The following LRRC42 variants were observed in gnomAD, a reference collection of about 807,000 sequenced individuals.
The protein encoded by LRRC42 is leucine rich repeat containing 42, also known as leucine-rich repeat-containing protein 42.
In LRRC42, 43 loss-of-function variants were observed where a neutral mutation model predicts 44.3. The observed-to-expected ratio is 0.97, with a 90% CI of 0.76 to 1.25. LRRC42 has a LOEUF of 1.25. Ranked by LOEUF, LRRC42 falls within the 50% of genes most tolerant of loss-of-function variation. The pLI, the probability that LRRC42 is intolerant of heterozygous loss-of-function variation, is 0.00. For missense variants in LRRC42, 540 were observed against 509.1 expected, an observed-to-expected ratio of 1.06 and a Z score of -0.58; for synonymous variants, 207 against 195.2, an observed-to-expected ratio of 1.06 and a Z score of -0.50.
chr1:53,961,949 C>A, intron 5 of LRRC42, 85 bp from the exon 6 acceptor site: 1 of 957,470 alleles, frequency 1.0e-6, no homozygotes, highest in Non-Finnish European at 1.6e-6. Context: ...TATCATTGCC[C>A]GGACGTTTTT....
At chr1:53,953,167 C>T (rs1389458940) in intron 3 of LRRC42, among the ~76,000 whole-genome samples, 1 of 152,196 alleles carries the variant, frequency 6.6e-6, no homozygotes, top group Non-Finnish European at 1.5e-5. Context: ...CCTATCTCAT[C>T]TCCAGTTTCC....
In LRRC42 at chr1:53,964,752, A is replaced by C. The variant is rs568588354; in HGVS notation, c.928-1544A>C. On this transcript the variant is annotated intron_variant, in intron 7 of 8. Transcript: ENST00000371370. The stretch of plus-strand genomic sequence containing the variant: ...CTTAAAACAGCCCTATGGAATGTGT[A>C]CTATCATTGATCCTTACAGATGAAG... Among the ~76,000 whole-genome samples, 6 of 152,356 alleles carry C rather than the reference A, an allele frequency of 3.9e-5. No homozygotes were observed. The South Asian group carries it at 1.2e-3, about 32-fold the overall frequency.
chr1:53,947,190 G>C (rs1171944178), intron 1 of LRRC42, among the ~76,000 whole-genome samples: 2 of 151,934 alleles, frequency 1.3e-5, no homozygotes, highest in Admixed American at 6.6e-5. Context: ...CTGTGGGACA[G>C]CAAGCCACCT....
At chr1:53,958,744 G>A (rs190234385) in intron 4 of LRRC42, among the ~76,000 whole-genome samples, 171 of 151,958 alleles carry the variant, frequency 1.1e-3, no homozygotes, top group African/African-American at 3.8e-3. Flanking sequence ...GCACCACCAC[G>A]CCCAGCTAAT....
chr1:53,965,785 A>G lies in LRRC42; in HGVS notation c.928-511A>G, dbSNP rs929702093. On this transcript the variant is annotated intron_variant, in intron 7 of 8. Coordinates refer to ENST00000371370, the MANE Select transcript of LRRC42 (RefSeq NM_001256409.2). ...CCACCGCGCCCGGCCACATATTTCT[A>G]AAAGAATTGGTAGCAGCTTATAATA... Among the ~76,000 whole-genome samples the G allele has an allele frequency of 2.6e-5, 4 of 152,152 alleles. No homozygotes were observed. The East Asian group carries it at 5.8e-4, about 22-fold the overall frequency.
chr1:53,961,804 A>C, intron 5 of LRRC42: 2 of 477,630 alleles, frequency 4.2e-6, no homozygotes, highest in South Asian at 3.7e-5. Context: ...CTCACCCCCA[A>C]CTCCTAGAAA....
In LRRC42 at chr1:53,962,071, CTT is replaced by C; in HGVS notation, c.765_766del (p.Ser256PhefsTer2). The C allele has an allele frequency of 1.2e-6, 2 of 1,613,986 alleles. No homozygotes were observed. The highest frequency in any genetic ancestry group is 1.7e-6 in the Non-Finnish European group (2 of 1,179,908). On this transcript the variant is annotated frameshift_variant, in exon 6 of 9. Transcript: ENST00000371370. LOFTEE classifies it high-confidence loss of function. Reference sequence around the variant, plus strand: ...TCACAGATGCAGGCATTGGATACCTCTTTTCTTTTAGGAAACTAAACTGCTTA... The same window carrying C: ...TCACAGATGCAGGCATTGGATACCTCTTCTTTTAGGAAACTAAACTGCTTA... Reference protein sequence around the residue: ...EITDAGIGYLFSFRKLNCLDI... With the variant: ...EITDAGIGYLXSFRKLNCLDI...
chr1:53,949,323 T>C (rs1234676199), intron 2 of LRRC42, among the ~76,000 whole-genome samples: 1 of 152,196 alleles, frequency 6.6e-6, no homozygotes, highest in Non-Finnish European at 1.5e-5. Context: ...TGGAAGGCAC[T>C]GTTAGGGGTG....
At chr1:53,964,752 A>G (rs568588354) in intron 7 of LRRC42, among the ~76,000 whole-genome samples, 1 of 152,238 alleles carries the variant, frequency 6.6e-6, no homozygotes, top group Non-Finnish European at 1.5e-5. Context: ...TGGAATGTGT[A>G]CTATCATTGA....
chr1:53,948,883 C>T (rs1654597001), intron 2 of LRRC42, among the ~76,000 whole-genome samples: 1 of 152,146 alleles, frequency 6.6e-6, no homozygotes, highest in African/African-American at 2.4e-5. Flanking sequence ...TTACATACCT[C>T]ATAGACTCAG....
intron 2 of LRRC42, among the ~76,000 whole-genome samples, chr1:53,950,541 A>G (rs997965915): frequency 3.9e-5 from 6 of 152,230 alleles, no homozygotes; most frequent in Non-Finnish European, 7.3e-5. Flanking sequence ...TCAGGGCCAC[A>G]TTGTGGCCCC....
intron 8 of LRRC42, among the ~76,000 whole-genome samples, chr1:53,966,808 G>A (rs574395958): frequency 6.6e-6 from 1 of 152,274 alleles, no homozygotes; most frequent in East Asian, 1.9e-4. Flanking sequence ...CCTGCAAGAT[G>A]TTATGCTAAG....
chr1:53,950,078 C>G (rs1260407798), intron 2 of LRRC42, among the ~76,000 whole-genome samples: 1 of 152,218 alleles, frequency 6.6e-6, no homozygotes, highest in Non-Finnish European at 1.5e-5. Context: ...AACAAGTGAA[C>G]AGACATAGTA....
chr1:53,966,130 GAAAATGCA>G (rs1655123035), intron 7 of LRRC42, among the ~76,000 whole-genome samples, 158 bp from the exon 8 acceptor site: 1 of 152,196 alleles, frequency 6.6e-6, no homozygotes, highest in East Asian at 1.9e-4. Flanking sequence ...CATTAGAACA[GAAAATGCA>G]GACTTGACTT....
chr1:53,955,660 G>C (rs1366477267), intron 3 of LRRC42, among the ~76,000 whole-genome samples: 1 of 136,636 alleles, frequency 7.3e-6, no homozygotes, highest in Non-Finnish European at 1.5e-5. Flanking sequence ...ACGGAGTCTC[G>C]CTCTGTCACC....
At chr1:53,961,917 C>T in intron 5 of LRRC42, 117 bp from the exon 6 acceptor site, 1 of 706,230 alleles carries the variant, frequency 1.4e-6, no homozygotes, top group South Asian at 1.8e-5. Context: ...GAAAAGTTTG[C>T]CAACTCAAAT....
rs1467615445 is a variant in LRRC42, at chr1:53,967,919, G to A, written c.1267G>A (p.Asp423Asn). The change falls in exon 9 of 9, where the codon GAC becomes AAC. Residue 423 changes from aspartate (D) to asparagine (N), a missense_variant. Coordinates refer to ENST00000371370, the MANE Select transcript of LRRC42 (RefSeq NM_001256409.2). ...KYVCLAVEDWDLLNSY is the reference protein window; with the variant it reads ...KYVCLAVEDWNLLNSY Reference sequence around the variant, plus strand: ...TGTATGTCTTGCTGTGGAAGACTGGGACTTGTTAAATTCCTATTGATTAGT... The same window carrying A: ...TGTATGTCTTGCTGTGGAAGACTGGAACTTGTTAAATTCCTATTGATTAGT... 2 of 1,613,766 alleles carry A rather than the reference G, an allele frequency of 1.2e-6. No homozygotes were observed. The highest frequency in any genetic ancestry group is 4.5e-5 in the East Asian group (2 of 44,878).
chr1:53,946,733 G>T (rs1557642056), intron 1 of LRRC42, among the ~76,000 whole-genome samples, 184 bp downstream of exon 1: 1 of 151,886 alleles, frequency 6.6e-6, no homozygotes, highest in Non-Finnish European at 1.5e-5. Context: ...GTAGGGGTGC[G>T]GGGGCAGGCT....
chr1:53,965,173 A>G (rs923103526), intron 7 of LRRC42, among the ~76,000 whole-genome samples: 2 of 150,636 alleles, frequency 1.3e-5, no homozygotes, highest in Admixed American at 6.6e-5. Context: ...TGTATTTTTT[A>G]GTAGAGGCAG....
Sources: allele counts gnomAD v4.1 joint callset (sites outside exome capture counted in the v4.1 genomes callset), GRCh38; gene constraint gnomAD v4.1.1; transcripts MANE v1.5; gene names NCBI Gene and HGNC (gene_info 2026-07-23, HGNC 2026-07-21).